The following NRG1 variants were observed in gnomAD, a reference collection of about 807,000 sequenced individuals.
The protein encoded by NRG1 is pro-neuregulin-1, membrane-bound isoform.
Under a neutral mutation model 63.8 loss-of-function variants are expected in NRG1, and 18 were observed. That is an observed-to-expected ratio of 0.28 (90% confidence interval 0.19 to 0.42). The LOEUF is 0.42. NRG1 is among the 10% of genes least tolerant of loss of function. NRG1 has a pLI of 1.00. For synonymous variants in NRG1, 302 were observed against 301.3 expected (o/e 1.00, Z -0.02); for missense variants, 762 against 814.7 (o/e 0.94, Z 0.79).
intron 1 of NRG1, among the ~76,000 whole-genome samples, chr8:31,744,708 C>T (rs546591357): frequency 1.3e-5 from 2 of 152,086 alleles, no homozygotes; most frequent in African/African-American, 2.4e-5. Flanking sequence ...ACTGCTTTAA[C>T]TGAAACACAC....
At chr8:31,843,637 C>T (rs1826401870) in intron 1 of NRG1, among the ~76,000 whole-genome samples, 1 of 152,138 alleles carries the variant, frequency 6.6e-6, no homozygotes, top group South Asian at 2.1e-4. Flanking sequence ...GATTCAGATT[C>T]AATTTGCTAA....
intron 1 of NRG1, among the ~76,000 whole-genome samples, chr8:32,300,199 C>A (rs576209965): frequency 2.0e-5 from 3 of 152,036 alleles, no homozygotes; most frequent in African/African-American, 7.2e-5. Context: ...CTGAAAAAAA[C>A]GTGCAATATG....
intron 10 of NRG1, 64 bp downstream of exon 10, chr8:32,759,500 A>C: frequency 6.4e-7 from 1 of 1,562,294 alleles, no homozygotes; most frequent in East Asian, 2.3e-5. Context: ...TTGCCTTTTG[A>C]TATCCCTGCC....
chr8:32,609,785 C>CCT (rs1303207620), intron 3 of NRG1, among the ~76,000 whole-genome samples: 1 of 151,400 alleles, frequency 6.6e-6, no homozygotes, highest in Non-Finnish European at 1.5e-5. Flanking sequence ...AATTCTCCTG[C>CCT]CTCAGCCTCT....
intron 1 of NRG1, among the ~76,000 whole-genome samples, chr8:32,274,482 G>T (rs1323070291): frequency 2.6e-5 from 4 of 152,194 alleles, no homozygotes; most frequent in Non-Finnish European, 5.9e-5. Context: ...TTTTACACAT[G>T]AACTGTTCTT....
chr8:32,511,134 C>G (rs968129015), intron 1 of NRG1, among the ~76,000 whole-genome samples: 4 of 150,724 alleles, frequency 2.7e-5, no homozygotes, highest in African/African-American at 9.7e-5. Context: ...GTGGACTGAT[C>G]TATTTTACCT....
At chr8:32,564,881 A>G (rs1837145980) in intron 1 of NRG1, among the ~76,000 whole-genome samples, 1 of 152,026 alleles carries the variant, frequency 6.6e-6, no homozygotes, top group Non-Finnish European at 1.5e-5. Flanking sequence ...GGCAACATAG[A>G]AAAACACCAT....
intron 1 of NRG1, among the ~76,000 whole-genome samples, chr8:31,943,862 G>C (rs1213832732): frequency 6.6e-6 from 1 of 152,166 alleles, no homozygotes; most frequent in Non-Finnish European, 1.5e-5. Context: ...CAACAAGTTC[G>C]CATACTGTGC....
At chr8:32,268,823 GA>G (rs1409724573) in intron 1 of NRG1, among the ~76,000 whole-genome samples, 2 of 152,080 alleles carry the variant, frequency 1.3e-5, no homozygotes, top group African/African-American at 2.4e-5. Context: ...TCTATGGTTT[GA>G]CCAGCCCTGT....
chr8:32,406,742 A>G (rs1587428569), intron 1 of NRG1, among the ~76,000 whole-genome samples: 1 of 152,062 alleles, frequency 6.6e-6, no homozygotes, highest in African/African-American at 2.4e-5. Flanking sequence ...ATCTGCCTTC[A>G]TCTTCGGTTT....
chr8:31,868,101 C>A (rs1237554936), intron 1 of NRG1, among the ~76,000 whole-genome samples: 1 of 150,350 alleles, frequency 6.7e-6, no homozygotes, highest in Non-Finnish European at 1.5e-5. Context: ...TGATCCTGAG[C>A]AGTTATACTC....
In NRG1 at chr8:32,402,378, C is replaced by T. The variant is rs1207284755; in HGVS notation, c.38-193450C>T. ...CCCCTCTGATTCGTGGCTTTGATTT[C>T]TTTGGTTTCATTTATCCACAGTCTA... On this transcript the variant is annotated intron_variant, in intron 1 of 10. Transcript: ENST00000519301. Among the ~76,000 whole-genome samples, 5 of 152,050 alleles carry T rather than the reference C, an allele frequency of 3.3e-5. No individual in the cohort carries two copies. The East Asian group carries it at 5.8e-4, about 18-fold the overall frequency.
At chr8:32,522,300 C>A (rs774579507) in intron 1 of NRG1, among the ~76,000 whole-genome samples, 3 of 152,200 alleles carry the variant, frequency 2.0e-5, no homozygotes, top group Non-Finnish European at 4.4e-5. Flanking sequence ...AAGCACATTG[C>A]AGTCAGTTTC....
intron 5 of NRG1, among the ~76,000 whole-genome samples, chr8:32,666,732 C>T (rs904354982): frequency 6.6e-6 from 1 of 152,184 alleles, no homozygotes; most frequent in African/African-American, 2.4e-5. Flanking sequence ...GAGCTCCAGA[C>T]TTTGTCATCT....
intron 1 of NRG1, among the ~76,000 whole-genome samples, chr8:31,952,567 T>C (rs762039756): frequency 6.6e-6 from 1 of 152,266 alleles, no homozygotes; most frequent in Non-Finnish European, 1.5e-5. Context: ...TTTTTCTCAC[T>C]TGGATTTTGG....
chr8:32,036,674 C>T (rs1819119370), intron 1 of NRG1, among the ~76,000 whole-genome samples: 1 of 152,092 alleles, frequency 6.6e-6, no homozygotes, highest in African/African-American at 2.4e-5. Context: ...TTTATTTCGG[C>T]AAGATAGTCT....
intron 1 of NRG1, among the ~76,000 whole-genome samples, chr8:32,306,434 T>C (rs1204474841): frequency 6.6e-6 from 1 of 152,216 alleles, no homozygotes; most frequent in African/African-American, 2.4e-5. Flanking sequence ...CAGAACTTTC[T>C]TCTTGAGTTT....
At chr8:32,529,860 T>C (rs539187182) in intron 1 of NRG1, among the ~76,000 whole-genome samples, 1 of 152,280 alleles carries the variant, frequency 6.6e-6, no homozygotes, top group South Asian at 2.1e-4. Context: ...CAGTTAACTT[T>C]TTTTCAGATA....
intron 1 of NRG1, among the ~76,000 whole-genome samples, chr8:32,135,418 G>C (rs1835378661): frequency 6.6e-6 from 1 of 152,114 alleles, no homozygotes; most frequent in African/African-American, 2.4e-5. Flanking sequence ...GAGGGTAGTG[G>C]TGGTAGTGAA....
Sources: gnomAD v4.1 joint callset for allele counts (sites outside exome capture counted in the v4.1 genomes callset) on GRCh38, gnomAD v4.1.1 for gene constraint, MANE v1.5 for transcripts, NCBI Gene and HGNC (gene_info 2026-07-23, HGNC 2026-07-21) for gene names.